IFT80: variants seen among roughly 807,000 people sequenced by gnomAD.
The protein encoded by IFT80 is intraflagellar transport 80.
A neutral mutation model predicts 107.9 loss-of-function variants in IFT80; 79 were observed. That is an observed-to-expected ratio of 0.73 (90% CI 0.61 to 0.88). The LOEUF (loss-of-function observed/expected upper bound fraction) is 0.88, where lower values mean the gene tolerates loss of function less well. Ranked by LOEUF, IFT80 falls within the 40% of genes least tolerant of loss-of-function variation. The pLI is 0.00. For synonymous variants in IFT80, 299 were observed against 300.9 expected (o/e 0.99, Z 0.07); for missense variants, 797 against 914.2 (o/e 0.87, Z 1.65).
chr3:160,325,312 C>T (rs1352010669), intron 8 of IFT80, among the ~76,000 whole-genome samples: 7 of 152,014 alleles, frequency 4.6e-5, no homozygotes, highest in African/African-American at 1.4e-4. Flanking sequence ...AAAAAGAGCC[C>T]GCATCGCTAA....
chr3:160,268,668 AC>A (rs1314752533), intron 18 of IFT80, 132 bp from the exon 19 acceptor site: 2 of 882,310 alleles, frequency 2.3e-6, no homozygotes, highest in Non-Finnish European at 3.6e-6. Context: ...ACCATTTTCT[AC>A]CTCATCCATC....
chr3:160,365,109 A>C (rs957253896), intron 6 of IFT80, among the ~76,000 whole-genome samples: 8 of 152,120 alleles, frequency 5.3e-5, no homozygotes, highest in Non-Finnish European at 8.8e-5. Context: ...GCAGATTTTC[A>C]GCGTAGGTAA....
chr3:160,310,761 G>A (rs1717179936), intron 9 of IFT80, among the ~76,000 whole-genome samples: 1 of 152,158 alleles, frequency 6.6e-6, no homozygotes, highest in Non-Finnish European at 1.5e-5. Context: ...CTGATGTGAT[G>A]CAACAGGAAG....
chr3:160,349,171 G>A (rs1424717504), intron 8 of IFT80, among the ~76,000 whole-genome samples: 3 of 152,034 alleles, frequency 2.0e-5, no homozygotes, highest in African/African-American at 7.2e-5. Context: ...GAACAGGGCT[G>A]GGCACCATGG....
Position 160,280,807 on chromosome 3 carries a change from CATTGTTCCTTA to C in IFT80, c.1517-4_1523del. 6.2e-7 allele frequency: 1 copy of C among 1,612,494 alleles called. No individual in the cohort carries two copies. Among genetic ancestry groups the C allele is most frequent in the Non-Finnish European group, 8.5e-7 (1 of 1,179,052 alleles). On this transcript the variant is annotated splice_acceptor_variant and splice_polypyrimidine_tract_variant and coding_sequence_variant and intron_variant, in exon 15 of 20. Transcript: ENST00000326448. LOFTEE classifies it high-confidence loss of function. ...TATCGTTCCATGCCAAAGTATGCACCATTGTTCCTTAATTTAAAAAGAATGTTAATGTGCTA... is the reference window on the plus strand; with the variant it reads ...TATCGTTCCATGCCAAAGTATGCACCATTTAAAAAGAATGTTAATGTGCTA...
Position 160,327,221 on chromosome 3 carries a change from A to G in IFT80, c.778-7282T>C, listed in dbSNP as rs144205737. ...ACATTCCATGCTCATGGATAGGAAGAATCAATATCGTGAAAATGACCATAC... is the reference window on the plus strand; with the variant it reads ...ACATTCCATGCTCATGGATAGGAAGGATCAATATCGTGAAAATGACCATAC... On this transcript the variant is annotated intron_variant, in intron 8 of 19. Coordinates refer to ENST00000326448, the MANE Select transcript of IFT80 (RefSeq NM_020800.3). Among the ~76,000 whole-genome samples the G allele has an allele frequency of 2.6e-5, 4 of 152,344 alleles. No individual in the cohort carries two copies. In the East Asian group the frequency reaches 7.7e-4, roughly 29 times the overall value.
At chr3:160,312,714 T>TATATATAATAAATATATATTATATATAA (rs1717409885) in intron 9 of IFT80, among the ~76,000 whole-genome samples, 1 of 36,442 alleles carries the variant, frequency 2.7e-5, no homozygotes, top group Non-Finnish European at 4.5e-5. Context: ...TAATATATAA[T>TATATATAATAAATATATATTATATATAA]ATATATAATA....
chr3:160,381,502 C>A lies in IFT80; in HGVS notation c.259+1G>T. 6.2e-7 allele frequency: 1 copy of A among 1,605,802 alleles called. No homozygotes were observed. The highest frequency in any genetic ancestry group is 8.5e-7 in the Non-Finnish European group (1 of 1,172,560). On this transcript the variant is annotated splice_donor_variant, in intron 3 of 19. Coordinates refer to ENST00000326448, the MANE Select transcript of IFT80 (RefSeq NM_020800.3). LOFTEE classifies it high-confidence loss of function. Reference sequence around the variant, plus strand: ...GCATATAATGTTTATTTAAAACTTACCATCAGAACTTGTGAGGACAAAGCT... The same window carrying A: ...GCATATAATGTTTATTTAAAACTTAACATCAGAACTTGTGAGGACAAAGCT...
chr3:160,368,730 T>C (rs1722034132), intron 5 of IFT80, among the ~76,000 whole-genome samples: 1 of 151,984 alleles, frequency 6.6e-6, no homozygotes, highest in African/African-American at 2.4e-5. Context: ...GCTAAGGTTG[T>C]AGAATTATAT....
At chr3:160,321,745 G>A (rs563097275) in intron 8 of IFT80, among the ~76,000 whole-genome samples, 1 of 151,894 alleles carries the variant, frequency 6.6e-6, no homozygotes, top group African/African-American at 2.4e-5. Context: ...GTTGACAGAG[G>A]GTAACTGAAC....
chr3:160,397,604 T>C (rs986900732), intron 1 of IFT80, among the ~76,000 whole-genome samples: 2 of 152,134 alleles, frequency 1.3e-5, no homozygotes, highest in Non-Finnish European at 1.5e-5. Flanking sequence ...CTGAGGAAAC[T>C]GTCAAGCATA....
chr3:160,273,700 C>T (rs753044576), intron 18 of IFT80, among the ~76,000 whole-genome samples: 35 of 152,096 alleles, frequency 2.3e-4, no homozygotes, highest in Admixed American at 5.9e-4. Flanking sequence ...GAATTGAATT[C>T]TGGAAGCAAA....
chr3:160,311,020 G>C (rs549200479), intron 9 of IFT80, among the ~76,000 whole-genome samples: 2 of 152,296 alleles, frequency 1.3e-5, no homozygotes, highest in South Asian at 4.2e-4. Flanking sequence ...AGCTACTCGG[G>C]AGGCTGAAAT....
At chr3:160,375,984 T>C (rs980942507) in intron 4 of IFT80, 104 bp from the exon 5 acceptor site, 76 of 733,960 alleles carry the variant, frequency 1.0e-4, no homozygotes, top group Middle Eastern at 3.7e-4. Context: ...CATATTCTTT[T>C]TTCTTCTAGG....
chr3:160,355,916 T>C (rs756332581), intron 8 of IFT80, 97 bp downstream of exon 8: 3 of 1,322,952 alleles, frequency 2.3e-6, no homozygotes, highest in Admixed American at 1.7e-5. Context: ...ACCAGATGCA[T>C]CCATTGAAAA....
intron 6 of IFT80, among the ~76,000 whole-genome samples, chr3:160,365,361 A>T (rs143997589): frequency 6.6e-6 from 1 of 152,094 alleles, no homozygotes; most frequent in Non-Finnish European, 1.5e-5. Context: ...CCTCAAAGTC[A>T]TCTCTATGTC....
chr3:160,380,385 C>T (rs1039535738), intron 3 of IFT80, among the ~76,000 whole-genome samples: 1 of 152,058 alleles, frequency 6.6e-6, no homozygotes, highest in South Asian at 2.1e-4. Context: ...GCTGCCTGCA[C>T]GAGATACTGA....
At chr3:160,397,981 C>A (rs1429643866) in intron 1 of IFT80, among the ~76,000 whole-genome samples, 1 of 152,066 alleles carries the variant, frequency 6.6e-6, no homozygotes, top group African/African-American at 2.4e-5. Context: ...TGATACCTCC[C>A]CAACTCAGGT....
chr3:160,316,043 A>G (rs1166245609), intron 9 of IFT80, among the ~76,000 whole-genome samples: 1 of 152,120 alleles, frequency 6.6e-6, no homozygotes, highest in Non-Finnish European at 1.5e-5. Flanking sequence ...GTTTGGACCT[A>G]ATAGCTTGCT....
Sources: gnomAD v4.1 joint callset for allele counts (sites outside exome capture counted in the v4.1 genomes callset) on GRCh38, gnomAD v4.1.1 for gene constraint, MANE v1.5 for transcripts, NCBI Gene and HGNC (gene_info 2026-07-23, HGNC 2026-07-21) for gene names.